The following FAM178B variants were observed in gnomAD, a reference collection of about 807,000 sequenced individuals.
FAM178B encodes family with sequence similarity 178 member B.
A neutral mutation model predicts 91.7 loss-of-function variants in FAM178B; 82 were observed. The ratio of observed to expected loss-of-function variants is 0.89; its 90% CI spans 0.75 to 1.07. FAM178B has a LOEUF of 1.07. FAM178B is among the 50% of genes least tolerant of loss of function. The probability of loss-of-function intolerance (pLI) is 0.00; values close to 1 mark genes in which losing one functional copy is unlikely to be tolerated. For synonymous variants in FAM178B, 368 were observed against 359.4 expected (o/e 1.02, Z -0.27); for missense variants, 769 against 846.7 (o/e 0.91, Z 1.14).
chr2:96,972,785 C>G (rs2082240289), intron 1 of FAM178B, among the ~76,000 whole-genome samples, 179 bp from the exon 2 acceptor site: 1 of 152,198 alleles, frequency 6.6e-6, no homozygotes, highest in Admixed American at 6.5e-5. Context: ...AATCTGACTT[C>G]TCATTTCAAG....
At chr2:96,883,191 C>T (rs968903566) in intron 14 of FAM178B, among the ~76,000 whole-genome samples, 3 of 152,194 alleles carry the variant, frequency 2.0e-5, no homozygotes, top group Non-Finnish European at 4.4e-5. Flanking sequence ...ATGTTCTGGT[C>T]CAGCTAGTTC....
At chr2:96,951,700 T>C (rs1392853188) in intron 6 of FAM178B, 2 of 529,528 alleles carry the variant, frequency 3.8e-6, no homozygotes, top group East Asian at 3.4e-5. Context: ...TCTTGAATGT[T>C]GCGTGAACAC....
intron 14 of FAM178B, 24 bp from the exon 15 acceptor site, chr2:96,878,517 C>A: frequency 6.2e-7 from 1 of 1,611,046 alleles, no homozygotes; most frequent in South Asian, 1.1e-5. Context: ...ACAGGGAGAG[C>A]TGCTTCTCTA....
At chr2:96,928,802 G>A (rs2081491144) in intron 9 of FAM178B, among the ~76,000 whole-genome samples, 1 of 152,060 alleles carries the variant, frequency 6.6e-6, no homozygotes, top group Non-Finnish European at 1.5e-5. Flanking sequence ...TGGTTGTTCT[G>A]TAATTCCCTA....
intron 8 of FAM178B, among the ~76,000 whole-genome samples, chr2:96,945,895 G>A (rs572766785): frequency 1.4e-4 from 21 of 152,262 alleles, no homozygotes; most frequent in African/African-American, 4.8e-4. Flanking sequence ...TTCAGTGGTA[G>A]TAAGTACATT....
At position 96,898,015 on chromosome 2, in the gene FAM178B, TAC is replaced by T; in HGVS notation, c.1651-3966_1651-3965del. Reference sequence around the variant, plus strand: ...GGCCTCCGCTGCAGCTTGTGGGAGATACAGAGCCCAGCAGCTTGGCCATCAGG... The same window carrying T: ...GGCCTCCGCTGCAGCTTGTGGGAGATAGAGCCCAGCAGCTTGGCCATCAGG... On this transcript the variant is annotated intron_variant, in intron 13 of 16. Coordinates refer to ENST00000490605, the MANE Select transcript of FAM178B (RefSeq NM_001122646.3). The T allele has an allele frequency of 1.0e-5, 10 of 985,536 alleles. No homozygotes were observed. In the South Asian group the frequency reaches 3.3e-4, roughly 32 times the overall value. 61.0% of individuals were successfully genotyped at this position (985,536 alleles called of 1,614,324 possible). A position where few individuals can be genotyped will look rare whatever the true frequency, so the allele number is the denominator to read the frequency against.
At chr2:96,967,427 T>C in intron 5 of FAM178B, 93 bp downstream of exon 5, 2 of 712,290 alleles carry the variant, frequency 2.8e-6, no homozygotes, top group Non-Finnish European at 4.9e-6. Context: ...CAAATCACTG[T>C]ACCATGTTGG....
intron 12 of FAM178B, among the ~76,000 whole-genome samples, chr2:96,907,159 C>T (rs540327364): frequency 3.4e-4 from 52 of 152,282 alleles, no homozygotes; most frequent in African/African-American, 1.2e-3. Context: ...TTGCTGTCCC[C>T]GCCTGCCCAC....
chr2:96,943,077 C>G (rs2081760697), intron 8 of FAM178B, among the ~76,000 whole-genome samples: 2 of 152,046 alleles, frequency 1.3e-5, no homozygotes, highest in Admixed American at 1.3e-4. Context: ...ATTTTCATGA[C>G]CTGAGATTAG....
chr2:96,905,359 A>G (rs1374534331), intron 12 of FAM178B, among the ~76,000 whole-genome samples: 1 of 151,956 alleles, frequency 6.6e-6, no homozygotes, highest in East Asian at 1.9e-4. Flanking sequence ...GGAATTCAAG[A>G]CCAGCTGGGC....
At chr2:96,949,949 G>T in intron 7 of FAM178B, 1 of 980,098 alleles carries the variant, frequency 1.0e-6, no homozygotes, top group Non-Finnish European at 1.2e-6. Context: ...GGAGTAGGTG[G>T]CAGGGCCAGA....
intron 4 of FAM178B, among the ~76,000 whole-genome samples, chr2:96,967,931 T>A (rs2153375494): frequency 7.0e-6 from 1 of 141,964 alleles, no homozygotes; most frequent in African/African-American, 2.6e-5. Flanking sequence ...TTTTTTTTTT[T>A]TTTTTTTGAT....
Position 96,895,050 on chromosome 2 carries a change from C to A in FAM178B, c.1651-999G>T. ...GAGAGACCATGGACTAAGTCCCCAA[C>A]AGTCCATCACCATGAGCAAGACCAC... is the stretch of plus-strand genomic sequence containing the variant. On this transcript the variant is annotated intron_variant, in intron 13 of 16. Transcript: ENST00000490605. 2.3e-6 allele frequency: 3 copies of A among 1,288,870 alleles called. No individual in the cohort carries two copies. In the South Asian group the frequency reaches 3.7e-5, roughly 16 times the overall value. 79.8% of individuals were successfully genotyped at this position (1,288,870 alleles called of 1,614,324 possible).
intron 12 of FAM178B, among the ~76,000 whole-genome samples, chr2:96,917,967 T>C (rs528822950): frequency 8.6e-5 from 13 of 151,838 alleles, no homozygotes; most frequent in African/African-American, 3.1e-4. Flanking sequence ...CAGATTTGAG[T>C]TGGGATTAAG....
chr2:96,961,292 G>C (rs2082077146), intron 5 of FAM178B, among the ~76,000 whole-genome samples: 1 of 150,734 alleles, frequency 6.6e-6, no homozygotes, highest in Non-Finnish European at 1.5e-5. Flanking sequence ...CCAAGTTCTT[G>C]GGTGAAAACA....
chr2:96,956,293 T>C (rs2081998747), intron 6 of FAM178B, among the ~76,000 whole-genome samples: 1 of 152,232 alleles, frequency 6.6e-6, no homozygotes, highest in African/African-American at 2.4e-5. Context: ...CATGTGACTG[T>C]GGTGGCAGGG....
Position 96,947,857 on chromosome 2 carries a change from G to A in FAM178B, c.1039C>T (p.Leu347=). The stretch of plus-strand genomic sequence containing the variant: ...ATTCCATCCACAATGAGATCCCACA[G>A]AAGACCAAAGGCTCCCAAAGATGTT... ...PETSLGAFGL[L]WDLIVDGIFL... Residue 347 remains leucine (L), a synonymous_variant, in exon 8 of 17, where the codon CTG becomes TTG. Coordinates refer to ENST00000490605, the MANE Select transcript of FAM178B (RefSeq NM_001122646.3). 1 of 1,548,806 alleles carries A rather than the reference G, an allele frequency of 6.5e-7. No homozygotes were observed. The highest frequency in any genetic ancestry group is 8.7e-7 in the Non-Finnish European group (1 of 1,144,898).
At chr2:96,975,132 A>G (rs2082273545) in intron 1 of FAM178B, among the ~76,000 whole-genome samples, 1 of 151,492 alleles carries the variant, frequency 6.6e-6, no homozygotes. Flanking sequence ...CCAATCATCA[A>G]GAAGCTATAA....
chr2:96,876,217 C>G lies in FAM178B; in HGVS notation c.*59G>C. ...TTGATGCTTCGCTTCCTCCAGTTCC[C>G]TGAGCCTGTTCACTTCCTGCTGAAG... On this transcript the variant is annotated 3_prime_UTR_variant, in exon 17 of 17. Transcript: ENST00000490605. The G allele has an allele frequency of 1.3e-6, 2 of 1,560,084 alleles. No homozygotes were observed. The highest frequency in any genetic ancestry group is 2.3e-5 in the South Asian group (2 of 85,998).
Sources: allele counts gnomAD v4.1 joint callset (sites outside exome capture counted in the v4.1 genomes callset), GRCh38; gene constraint gnomAD v4.1.1; transcripts MANE v1.5; gene names NCBI Gene and HGNC (gene_info 2026-07-23, HGNC 2026-07-21).